Variants in KSR2 observed in about 807,000 individuals in gnomAD.
The protein encoded by KSR2 is kinase suppressor of ras 2.
Under a neutral mutation model 107.8 loss-of-function variants are expected in KSR2, and 25 were observed. That is an observed-to-expected ratio of 0.23 (90% CI 0.17 to 0.32). The LOEUF (loss-of-function observed/expected upper bound fraction) is 0.32. Among genes scored for constraint, KSR2 ranks in the 10% least tolerant of loss-of-function variants. The probability of loss-of-function intolerance (pLI) is 1.00; values close to 1 mark genes in which losing one functional copy is unlikely to be tolerated. For synonymous variants in KSR2, 480 were observed against 507.0 expected (o/e 0.95, Z 0.71); for missense variants, 887 against 1,268.9 (o/e 0.70, Z 4.57).
chr12:117,956,488 A>C (rs1440869419), intron 1 of KSR2, among the ~76,000 whole-genome samples: 3 of 151,620 alleles, frequency 2.0e-5, no homozygotes, highest in African/African-American at 4.9e-5. Context: ...GGACTGCTTG[A>C]GCTCCGGAGG....
intron 15 of KSR2, 126 bp from the exon 16 acceptor site, chr12:117,484,675 A>C: frequency 1.1e-6 from 1 of 944,470 alleles, no homozygotes; most frequent in Non-Finnish European, 1.6e-6. Flanking sequence ...CAACAGAGGC[A>C]GGGCCTGGGG....
At chr12:117,859,465 T>A (rs11068701) in intron 2 of KSR2, among the ~76,000 whole-genome samples, 1,513 of 150,384 alleles carry the variant, frequency 0.01, 22 homozygotes, top group African/African-American at 0.028. Context: ...TTATTTATTT[T>A]TTTTTTTTTG....
chr12:117,627,002 A>G (rs1404264153), intron 5 of KSR2, among the ~76,000 whole-genome samples: 1 of 151,012 alleles, frequency 6.6e-6, no homozygotes, highest in Non-Finnish European at 1.5e-5. Context: ...CTGTTTTATC[A>G]GAAACCAGGA....
chr12:117,659,128 G>C (rs1411606545), intron 5 of KSR2, among the ~76,000 whole-genome samples: 1 of 152,132 alleles, frequency 6.6e-6, no homozygotes, highest in African/African-American at 2.4e-5. Context: ...CCTGATGAGG[G>C]GGAATGGGAT....
intron 1 of KSR2, among the ~76,000 whole-genome samples, chr12:117,862,798 C>T (rs1001057509): frequency 7.4e-5 from 11 of 147,888 alleles, no homozygotes; most frequent in Admixed American, 3.4e-4. Context: ...GGCGCGATCT[C>T]GGCTCACTGC....
intron 5 of KSR2, among the ~76,000 whole-genome samples, chr12:117,640,709 G>A (rs777488347): frequency 1.3e-5 from 2 of 152,096 alleles, no homozygotes; most frequent in Non-Finnish European, 2.9e-5. Context: ...CTGGGCCCCC[G>A]TGGACAGCAC....
intron 4 of KSR2, among the ~76,000 whole-genome samples, chr12:117,738,985 A>C (rs1681560479): frequency 1.3e-5 from 2 of 152,214 alleles, no homozygotes; most frequent in South Asian, 4.1e-4. Flanking sequence ...ATGAATATGA[A>C]GGCCCATGAT....
intron 3 of KSR2, among the ~76,000 whole-genome samples, chr12:117,823,246 T>C (rs1018851493): frequency 2.0e-5 from 3 of 152,006 alleles, no homozygotes; most frequent in Admixed American, 2.0e-4. Flanking sequence ...TCACACGATT[T>C]GCTTTGGGAT....
At chr12:117,855,058 TA>T (rs141357896) in intron 3 of KSR2, among the ~76,000 whole-genome samples, 62,310 of 150,982 alleles carry the variant, frequency 0.41, 13,875 homozygotes, top group Middle Eastern at 0.52. Context: ...TTACTTCTGT[TA>T]AAAAAAAAAT....
Position 117,454,076 on chromosome 12 carries a change from G to C in KSR2, c.*13123C>G, listed in dbSNP as rs1452733307. 1 of 152,134 alleles carries C rather than the reference G, an allele frequency of 6.6e-6. No individual in the cohort carries two copies. The highest frequency in any genetic ancestry group is 2.4e-5 in the African/African-American group (1 of 41,422). 9.4% of individuals were successfully genotyped at this position (152,134 alleles called of 1,614,324 possible). On this transcript the variant is annotated 3_prime_UTR_variant, in exon 20 of 20. Coordinates refer to ENST00000339824, the MANE Select transcript of KSR2 (RefSeq NM_173598.6). Reference sequence around the variant, plus strand: ...GCTATTCTAGTCCCTTATTTTTCAGGAATGTCCCCCTAGAGGTGGGATTCT... The same window carrying C: ...GCTATTCTAGTCCCTTATTTTTCAGCAATGTCCCCCTAGAGGTGGGATTCT...
intron 3 of KSR2, among the ~76,000 whole-genome samples, chr12:117,822,452 T>C (rs2137082803): frequency 6.6e-6 from 1 of 152,174 alleles, no homozygotes; most frequent in Non-Finnish European, 1.5e-5. Context: ...AGGGGTTACG[T>C]CCAGAAAAAC....
chr12:117,936,537 TAG>T (rs776763175), intron 1 of KSR2, among the ~76,000 whole-genome samples: 5,815 of 82,724 alleles, frequency 0.07, 154 homozygotes, highest in South Asian at 0.11. Context: ...TTATTATTAG[TAG>T]TAGTAGTAGT....
intron 5 of KSR2, among the ~76,000 whole-genome samples, chr12:117,640,992 CTG>C (rs149677474): frequency 0.022 from 3,323 of 152,334 alleles, 121 homozygotes; most frequent in African/African-American, 0.075. Flanking sequence ...CTGATAGACA[CTG>C]TGTTAGTCTC....
intron 14 of KSR2, among the ~76,000 whole-genome samples, chr12:117,506,390 C>T (rs1487637843): frequency 6.6e-6 from 1 of 152,200 alleles, no homozygotes; most frequent in African/African-American, 2.4e-5. Context: ...TCTTTCCAGC[C>T]AATATCACCT....
intron 14 of KSR2, among the ~76,000 whole-genome samples, chr12:117,507,836 C>G (rs186146966): frequency 2.4e-3 from 370 of 152,262 alleles, no homozygotes; most frequent in Non-Finnish European, 3.6e-3. Flanking sequence ...AGGCAGTGAG[C>G]AGCCCCCACC....
At chr12:117,735,208 A>C (rs1887894703) in intron 4 of KSR2, among the ~76,000 whole-genome samples, 2 of 152,172 alleles carry the variant, frequency 1.3e-5, no homozygotes, top group Non-Finnish European at 2.9e-5. Context: ...TATCACACTA[A>C]AGGTTCATTT....
At chr12:117,610,702 G>A (rs894681217) in intron 5 of KSR2, among the ~76,000 whole-genome samples, 16 of 142,524 alleles carry the variant, frequency 1.1e-4, no homozygotes, top group Non-Finnish European at 1.9e-4. Flanking sequence ...TTGCACCACT[G>A]CACTCCAGCC....
chr12:117,526,220 G>T (rs2137239386), intron 13 of KSR2, among the ~76,000 whole-genome samples: 1 of 152,306 alleles, frequency 6.6e-6, no homozygotes, highest in African/African-American at 2.4e-5. Context: ...GCGTACTTCG[G>T]CGTAACTACC....
At position 117,907,398 on chromosome 12, in the gene KSR2, G is replaced by T. The variant is rs1894889077; in HGVS notation, c.181-46967C>A. On this transcript the variant is annotated intron_variant, in intron 1 of 19. Transcript: ENST00000339824. This position sits in a 1 kb window ranked among gnomAD's most constrained non-coding sequence, Gnocchi z 4.3. ...CCATCCTGTGAATCCAGGTGTGCTG[G>T]GTCTGCGTGCTCAAGACGACGCTCA... is the stretch of plus-strand genomic sequence containing the variant. Among the ~76,000 whole-genome samples the T allele has an allele frequency of 6.6e-6, 1 of 152,062 alleles. No individual in the cohort carries two copies. The highest frequency in any genetic ancestry group is 1.5e-5 in the Non-Finnish European group (1 of 68,018).
Sources: allele counts gnomAD v4.1 joint callset (sites outside exome capture counted in the v4.1 genomes callset), GRCh38; gene constraint gnomAD v4.1.1; non-coding constraint Gnocchi (gnomAD v3.1); transcripts MANE v1.5; gene names NCBI Gene and HGNC (gene_info 2026-07-23, HGNC 2026-07-21).